FOXE3: variants seen among roughly 807,000 people sequenced by gnomAD.
FOXE3 encodes the protein forkhead box protein E3.
For synonymous variants in FOXE3, 274 were observed against 258.3 expected (o/e 1.06, Z -0.58); for missense variants, 520 against 507.8 (o/e 1.02, Z -0.23).
At position 47,416,939 on chromosome 1, in the gene FOXE3, G is replaced by C. The variant is rs1400982636; in HGVS notation, c.624G>C (p.Pro208=). 8 of 1,331,468 alleles carry C rather than the reference G, an allele frequency of 6.0e-6. No individual in the cohort carries two copies. The highest frequency in any genetic ancestry group is 2.9e-4 in the Middle Eastern group (1 of 3,484). 82.5% of individuals were successfully genotyped at this position (1,331,468 alleles called of 1,614,324 possible). ...TGGTGCCGCCGCCTTCTGCCGGACC[G>C]GGCCCCTCGCCGCCCGCGCGTCTGT... ...ALLVPPPSAG[P]GPSPPARLFS... is the part of the protein sequence containing the mutation. Residue 208 remains proline (P), a synonymous_variant, in exon 1 of 1, where the codon CCG becomes CCC. Coordinates refer to ENST00000335071, the MANE Select transcript of FOXE3 (RefSeq NM_012186.3). The surrounding 1 kb of genome is among the most constrained non-coding windows in gnomAD (Gnocchi z 4.2).
rs751816743 is a variant in FOXE3 at position 47,416,506 on chromosome 1, G to T, written c.191G>T (p.Arg64Leu). Residue 64 changes from arginine to leucine, a missense_variant, in exon 1 of 1, where the codon CGG becomes CTG. Coordinates refer to ENST00000335071, the MANE Select transcript of FOXE3 (RefSeq NM_012186.3). The surrounding 1 kb of genome is among the most constrained non-coding windows in gnomAD (Gnocchi z 4.2). ...GCGCCCGGCCCGGGGCGGCGGCGGC[G>T]GCGGCCCCTGCAGCGCGGGAAGCCG... ...TPAPGPGRRR[R>L]RPLQRGKPPY... The T allele has an allele frequency of 3.2e-5, 42 of 1,304,144 alleles. No individual in the cohort carries two copies. The highest frequency in any genetic ancestry group is 3.8e-5 in the Non-Finnish European group (39 of 1,018,106). The allele number at this position is 1,304,144 out of a possible 1,614,324, so 80.8% of individuals were successfully genotyped here.
rs1003686562 is a variant in FOXE3, at chr1:47,416,942, C to A, written c.627C>A (p.Gly209=). ...TGCCGCCGCCTTCTGCCGGACCGGG[C>A]CCCTCGCCGCCCGCGCGTCTGTTCA... is the stretch of plus-strand genomic sequence containing the variant. ...LLVPPPSAGP[G]PSPPARLFSV... The change falls in exon 1 of 1, where the codon GGC becomes GGA. Residue 209 remains glycine, a synonymous_variant. Coordinates refer to ENST00000335071, the MANE Select transcript of FOXE3 (RefSeq NM_012186.3). This position sits in a 1 kb window ranked among gnomAD's most constrained non-coding sequence, Gnocchi z 4.2. The A allele has an allele frequency of 1.5e-6, 2 of 1,330,642 alleles. No individual in the cohort carries two copies. The highest frequency in any genetic ancestry group is 1.6e-5 in the South Asian group (1 of 63,720). 82.4% of individuals were successfully genotyped at this position (1,330,642 alleles called of 1,614,324 possible). A position where few individuals can be genotyped will look rare whatever the true frequency, so the allele number is the denominator to read the frequency against.
chr1:47,417,972 T>C lies in FOXE3; in HGVS notation c.*697T>C, dbSNP rs1365211549. On this transcript the variant is annotated 3_prime_UTR_variant, in exon 1 of 1. Transcript: ENST00000335071. The surrounding 1 kb of genome is among the most constrained non-coding windows in gnomAD (Gnocchi z 4.3). ...GGGCCTTTAGGTCTGCCCCATCCCCTGGAAAACTTAGGACTTATTGGGTTA... is the reference window on the plus strand; with the variant it reads ...GGGCCTTTAGGTCTGCCCCATCCCCCGGAAAACTTAGGACTTATTGGGTTA... The C allele has an allele frequency of 6.0e-6, 1 of 167,086 alleles. No homozygotes were observed. The highest frequency in any genetic ancestry group is 2.4e-5 in the African/African-American group (1 of 41,448). The allele number at this position is 167,086 out of a possible 1,614,324, so 10.4% of individuals were successfully genotyped here.
Position 47,417,241 on chromosome 1 carries a change from CGGGCTTCGCGTCG to C in FOXE3, c.932_944del (p.Phe311TrpfsTer90), listed in dbSNP as rs2124045053. 1 of 1,355,614 alleles carries C rather than the reference CGGGCTTCGCGTCG, an allele frequency of 7.4e-7. No individual in the cohort carries two copies. The highest frequency in any genetic ancestry group is 9.4e-7 in the Non-Finnish European group (1 of 1,059,784). The allele number at this position is 1,355,614 out of a possible 1,614,324, so 84.0% of individuals were successfully genotyped here. A position where few individuals can be genotyped will look rare whatever the true frequency, so the allele number is the denominator to read the frequency against. On this transcript the variant is annotated frameshift_variant, in exon 1 of 1. Coordinates refer to ENST00000335071, the MANE Select transcript of FOXE3 (RefSeq NM_012186.3). LOFTEE classifies it high-confidence loss of function. This position sits in a 1 kb window ranked among gnomAD's most constrained non-coding sequence, Gnocchi z 4.3. ...CCTGGGGAGGCCTACCTGAGGCAGC[CGGGCTTCGCGTCG>C]GGGCTGGAGCGCTACCTGTGAGCCT... is the stretch of plus-strand genomic sequence containing the variant.
rs2124041964 is a variant in FOXE3, at chr1:47,416,508, C to G, written c.193C>G (p.Arg65Gly). ...GCCCGGCCCGGGGCGGCGGCGGCGG[C>G]GGCCCCTGCAGCGCGGGAAGCCGCC... The part of the protein sequence containing the change: ...PAPGPGRRRR[R>G]PLQRGKPPYS... Residue 65 changes from arginine to glycine, a missense_variant, in exon 1 of 1, where the codon CGG (arginine) becomes GGG (glycine). Arg to Gly is a moderately radical substitution (Grantham distance 125). Transcript: ENST00000335071. This position sits in a 1 kb window ranked among gnomAD's most constrained non-coding sequence, Gnocchi z 4.2. The G allele has an allele frequency of 7.9e-7, 1 of 1,272,172 alleles. No homozygotes were observed. The highest frequency in any genetic ancestry group is 1.0e-6 in the Non-Finnish European group (1 of 997,258). 78.8% of individuals were successfully genotyped at this position (1,272,172 alleles called of 1,614,324 possible). A position where few individuals can be genotyped will look rare whatever the true frequency, so the allele number is the denominator to read the frequency against.
At position 47,416,870 on chromosome 1, in the gene FOXE3, C is replaced by G. The variant is rs758322369; in HGVS notation, c.555C>G (p.Pro185=). The G allele has an allele frequency of 1.4e-6, 2 of 1,396,058 alleles. No individual in the cohort carries two copies. The highest frequency in any genetic ancestry group is 3.1e-5 in the South Asian group (2 of 64,172). 86.5% of individuals were successfully genotyped at this position (1,396,058 alleles called of 1,614,324 possible). The change falls in exon 1 of 1, where the codon CCC becomes CCG. Residue 185 remains proline, a synonymous_variant. Coordinates refer to ENST00000335071, the MANE Select transcript of FOXE3 (RefSeq NM_012186.3). This position sits in a 1 kb window ranked among gnomAD's most constrained non-coding sequence, Gnocchi z 4.2. Reference sequence around the variant, plus strand: ...CCGCGGCGCCAGGGCCGCCGCTCCCCTTCCCCTACGCGCCCTACGCGCCCG... The same window carrying G: ...CCGCGGCGCCAGGGCCGCCGCTCCCGTTCCCCTACGCGCCCTACGCGCCCG... ...HAAAAPGPPL[P]FPYAPYAPAP... is the part of the protein sequence containing the mutation.
In FOXE3 at chr1:47,417,236, G is replaced by A. The variant is rs1211119716; in HGVS notation, c.921G>A (p.Arg307=). ...GPLSPGEAYL[R]QPGFASGLER... is the part of the protein sequence containing the mutation. ...TCAGCCCTGGGGAGGCCTACCTGAG[G>A]CAGCCGGGCTTCGCGTCGGGGCTGG... Residue 307 remains arginine (R), a synonymous_variant, in exon 1 of 1, where the codon AGG becomes AGA. Transcript: ENST00000335071. The surrounding 1 kb of genome is among the most constrained non-coding windows in gnomAD (Gnocchi z 4.3). 7.4e-7 allele frequency: 1 copy of A among 1,356,198 alleles called. No individual in the cohort carries two copies. The highest frequency in any genetic ancestry group is 9.4e-7 in the Non-Finnish European group (1 of 1,060,542). 84.0% of individuals were successfully genotyped at this position (1,356,198 alleles called of 1,614,324 possible). A position where few individuals can be genotyped will look rare whatever the true frequency, so the allele number is the denominator to read the frequency against.
rs958572726 is a variant in FOXE3, at chr1:47,417,231, C to T, written c.916C>T (p.Leu306=). The T allele has an allele frequency of 2.2e-6, 3 of 1,355,690 alleles. No homozygotes were observed. The highest frequency in any genetic ancestry group is 2.8e-6 in the Non-Finnish European group (3 of 1,060,740). 84.0% of individuals were successfully genotyped at this position (1,355,690 alleles called of 1,614,324 possible). A position where few individuals can be genotyped will look rare whatever the true frequency, so the allele number is the denominator to read the frequency against. Residue 306 remains leucine, a synonymous_variant, in exon 1 of 1, where the codon CTG becomes TTG. Coordinates refer to ENST00000335071, the MANE Select transcript of FOXE3 (RefSeq NM_012186.3). The surrounding 1 kb of genome is among the most constrained non-coding windows in gnomAD (Gnocchi z 4.3). ...LGPLSPGEAY[L]RQPGFASGLE... is the part of the protein sequence containing the mutation. ...CCCGCTCAGCCCTGGGGAGGCCTAC[C>T]TGAGGCAGCCGGGCTTCGCGTCGGG...
chr1:47,417,251 G>C lies in FOXE3; in HGVS notation c.936G>C (p.Ala312=). ...GEAYLRQPGF[A]SGLERYL The stretch of plus-strand genomic sequence containing the variant: ...CCTACCTGAGGCAGCCGGGCTTCGC[G>C]TCGGGGCTGGAGCGCTACCTGTGAG... Residue 312 remains alanine, a synonymous_variant, in exon 1 of 1, where the codon GCG becomes GCC. Coordinates refer to ENST00000335071, the MANE Select transcript of FOXE3 (RefSeq NM_012186.3). The surrounding 1 kb of genome is among the most constrained non-coding windows in gnomAD (Gnocchi z 4.3). The C allele has an allele frequency of 7.4e-7, 1 of 1,356,368 alleles. No individual in the cohort carries two copies. The highest frequency in any genetic ancestry group is 9.4e-7 in the Non-Finnish European group (1 of 1,059,246). 84.0% of individuals were successfully genotyped at this position (1,356,368 alleles called of 1,614,324 possible).
Position 47,416,757 on chromosome 1 carries a change from G to GACCCCGC in FOXE3, c.443_449dup (p.Ala151ProfsTer136), listed in dbSNP as rs1646885789. On this transcript the variant is annotated frameshift_variant, in exon 1 of 1. Coordinates refer to ENST00000335071, the MANE Select transcript of FOXE3 (RefSeq NM_012186.3). LOFTEE classifies it low-confidence loss of function (END_TRUNC). The surrounding 1 kb of genome is among the most constrained non-coding windows in gnomAD (Gnocchi z 4.2). ...GGGCAAGGGCAACTACTGGACGCTGGACCCCGCGGCCGCAGACATGTTCGA... is the reference window on the plus strand; with the variant it reads ...GGGCAAGGGCAACTACTGGACGCTGGACCCCGCACCCCGCGGCCGCAGACATGTTCGA... 2 of 1,605,486 alleles carry GACCCCGC rather than the reference G, an allele frequency of 1.2e-6. No individual in the cohort carries two copies. Among genetic ancestry groups the GACCCCGC allele is most frequent in the South Asian group, 2.2e-5 (2 of 90,226 alleles).
rs1387529956 is a variant in FOXE3 at position 47,417,729 on chromosome 1, G to A, written c.*454G>A. 1 of 168,454 alleles carries A rather than the reference G, an allele frequency of 5.9e-6. No individual in the cohort carries two copies. The highest frequency in any genetic ancestry group is 2.4e-5 in the African/African-American group (1 of 41,346). 10.4% of individuals were successfully genotyped at this position (168,454 alleles called of 1,614,324 possible). A position where few individuals can be genotyped will look rare whatever the true frequency, so the allele number is the denominator to read the frequency against. ...CTCTCATGTTTTTCCGACACTCCTG[G>A]GTCAGACTCCTGGGTTCATGACTTA... is the stretch of plus-strand genomic sequence containing the variant. On this transcript the variant is annotated 3_prime_UTR_variant, in exon 1 of 1. Transcript: ENST00000335071. The surrounding 1 kb of genome is among the most constrained non-coding windows in gnomAD (Gnocchi z 4.3).
chr1:47,417,069 C>T lies in FOXE3; in HGVS notation c.754C>T (p.Pro252Ser), dbSNP rs1184092568. The T allele has an allele frequency of 1.5e-6, 2 of 1,366,730 alleles. No individual in the cohort carries two copies. The highest frequency in any genetic ancestry group is 1.6e-5 in the South Asian group (1 of 62,206). 84.7% of individuals were successfully genotyped at this position (1,366,730 alleles called of 1,614,324 possible). ...APDAAAAAFP[P>S]CAAAASPPLY... is the part of the protein sequence containing the mutation. Reference sequence around the variant, plus strand: ...CGACGCCGCAGCCGCAGCCTTCCCGCCCTGCGCTGCCGCCGCCTCCCCGCC... The same window carrying T: ...CGACGCCGCAGCCGCAGCCTTCCCGTCCTGCGCTGCCGCCGCCTCCCCGCC... The change falls in exon 1 of 1, where the codon CCC becomes TCC. Residue 252 changes from proline (P) to serine (S), a missense_variant. Transcript: ENST00000335071. This position sits in a 1 kb window ranked among gnomAD's most constrained non-coding sequence, Gnocchi z 4.3.
Position 47,416,938 on chromosome 1 carries a change from C to T in FOXE3, c.623C>T (p.Pro208Leu), listed in dbSNP as rs1646887677. Residue 208 changes from proline to leucine, a missense_variant, in exon 1 of 1, where the codon CCG (proline) becomes CTG (leucine). Physicochemically the swap from Pro to Leu is moderately conservative, Grantham distance 98. Coordinates refer to ENST00000335071, the MANE Select transcript of FOXE3 (RefSeq NM_012186.3). The surrounding 1 kb of genome is among the most constrained non-coding windows in gnomAD (Gnocchi z 4.2). ...ALLVPPPSAG[P>L]GPSPPARLFS... Reference sequence around the variant, plus strand: ...CTGGTGCCGCCGCCTTCTGCCGGACCGGGCCCCTCGCCGCCCGCGCGTCTG... The same window carrying T: ...CTGGTGCCGCCGCCTTCTGCCGGACTGGGCCCCTCGCCGCCCGCGCGTCTG... 7.5e-7 allele frequency: 1 copy of T among 1,330,248 alleles called. No homozygotes were observed. Among genetic ancestry groups the T allele is most frequent in the Non-Finnish European group, 9.7e-7 (1 of 1,032,538 alleles). The allele number at this position is 1,330,248 out of a possible 1,614,324, so 82.4% of individuals were successfully genotyped here.
In FOXE3 at chr1:47,416,366, T is replaced by C. The variant is rs548368038; in HGVS notation, c.51T>C (p.Pro17=). ...CGCCCGCCGCGTTCTCTGGCTTCCC[T>C]GCCCTGCCAGCGGTCGCGCCGTCGG... ...MDPPAAFSGF[P]ALPAVAPSGP... Residue 17 remains proline, a synonymous_variant, in exon 1 of 1, where the codon CCT becomes CCC. Coordinates refer to ENST00000335071, the MANE Select transcript of FOXE3 (RefSeq NM_012186.3). The surrounding 1 kb of genome is among the most constrained non-coding windows in gnomAD (Gnocchi z 4.2). The C allele has an allele frequency of 5.0e-4, 684 of 1,361,562 alleles. 1 individual carries two copies. The African/African-American group carries it at 9.3e-3, about 19-fold the overall frequency. The allele number at this position is 1,361,562 out of a possible 1,614,324, so 84.3% of individuals were successfully genotyped here.
rs780276474 is a variant in FOXE3 at position 47,416,944 on chromosome 1, C to G, written c.629C>G (p.Pro210Arg). ...LVPPPSAGPG[P>R]SPPARLFSVD... ...CCGCCGCCTTCTGCCGGACCGGGCC[C>G]CTCGCCGCCCGCGCGTCTGTTCAGC... The change falls in exon 1 of 1, where the codon CCC becomes CGC. Residue 210 changes from proline to arginine, a missense_variant. Pro to Arg is a moderately radical substitution (Grantham distance 103). Coordinates refer to ENST00000335071, the MANE Select transcript of FOXE3 (RefSeq NM_012186.3). The surrounding 1 kb of genome is among the most constrained non-coding windows in gnomAD (Gnocchi z 4.2). The G allele has an allele frequency of 1.1e-5, 14 of 1,332,616 alleles. No individual in the cohort carries two copies. Among genetic ancestry groups the G allele is most frequent in the Non-Finnish European group, 1.2e-5 (12 of 1,033,904 alleles). The allele number at this position is 1,332,616 out of a possible 1,614,324, so 82.5% of individuals were successfully genotyped here. A position where few individuals can be genotyped will look rare whatever the true frequency, so the allele number is the denominator to read the frequency against.
rs1388940436 is a variant in FOXE3, at chr1:47,417,132, G to A, written c.817G>A (p.Ala273Thr). 7.1e-7 allele frequency: 1 copy of A among 1,405,452 alleles called. No homozygotes were observed. The highest frequency in any genetic ancestry group is 9.3e-7 in the Non-Finnish European group (1 of 1,080,926). The allele number at this position is 1,405,452 out of a possible 1,614,324, so 87.1% of individuals were successfully genotyped here. ...SQVPDRLVLP[A>T]TRPGPGPLPA... ...GGTCCCCGACCGCCTGGTACTGCCC[G>A]CGACGCGCCCCGGCCCCGGCCCGCT... The change falls in exon 1 of 1, where the codon GCG (alanine) becomes ACG (threonine). Residue 273 changes from alanine (A) to threonine (T), a missense_variant. Ala to Thr is a moderately conservative substitution (Grantham distance 58). Transcript: ENST00000335071. This position sits in a 1 kb window ranked among gnomAD's most constrained non-coding sequence, Gnocchi z 4.3.
chr1:47,417,162 G>C lies in FOXE3; in HGVS notation c.847G>C (p.Ala283Pro). The change falls in exon 1 of 1, where the codon GCT (alanine) becomes CCT (proline). Residue 283 changes from alanine (A) to proline (P), a missense_variant. Physicochemically the swap from Ala to Pro is conservative, Grantham distance 27. Coordinates refer to ENST00000335071, the MANE Select transcript of FOXE3 (RefSeq NM_012186.3). This position sits in a 1 kb window ranked among gnomAD's most constrained non-coding sequence, Gnocchi z 4.3. ...ATRPGPGPLP[A>P]EPLLALAGPA... Reference sequence around the variant, plus strand: ...GCGCCCCGGCCCCGGCCCGCTGCCCGCTGAGCCCCTCCTGGCCTTGGCCGG... The same window carrying C: ...GCGCCCCGGCCCCGGCCCGCTGCCCCCTGAGCCCCTCCTGGCCTTGGCCGG... 7.1e-7 allele frequency: 1 copy of C among 1,403,378 alleles called. No homozygotes were observed. Among genetic ancestry groups the C allele is most frequent in the Non-Finnish European group, 9.2e-7 (1 of 1,083,916 alleles). 86.9% of individuals were successfully genotyped at this position (1,403,378 alleles called of 1,614,324 possible).
At position 47,416,891 on chromosome 1, in the gene FOXE3, G is replaced by A. The variant is rs2124043529; in HGVS notation, c.576G>A (p.Ala192=). 7.6e-7 allele frequency: 1 copy of A among 1,314,240 alleles called. No homozygotes were observed. Among genetic ancestry groups the A allele is most frequent in the Non-Finnish European group, 9.7e-7 (1 of 1,027,082 alleles). The allele number at this position is 1,314,240 out of a possible 1,614,324, so 81.4% of individuals were successfully genotyped here. A position where few individuals can be genotyped will look rare whatever the true frequency, so the allele number is the denominator to read the frequency against. ...TCCCCTTCCCCTACGCGCCCTACGC[G>A]CCCGCGCCCGGCCCCGCGCTGCTGG... ...PPLPFPYAPY[A]PAPGPALLVP... The change falls in exon 1 of 1, where the codon GCG becomes GCA. Residue 192 remains alanine, a synonymous_variant. Transcript: ENST00000335071. The surrounding 1 kb of genome is among the most constrained non-coding windows in gnomAD (Gnocchi z 4.2).
chr1:47,416,745 T>A lies in FOXE3; in HGVS notation c.430T>A (p.Tyr144Asn). The change falls in exon 1 of 1, where the codon TAC becomes AAC. Residue 144 changes from tyrosine to asparagine, a missense_variant. Tyr to Asn is a moderately radical substitution (Grantham distance 143, BLOSUM62 -2). Transcript: ENST00000335071. The surrounding 1 kb of genome is among the most constrained non-coding windows in gnomAD (Gnocchi z 4.2). The stretch of plus-strand genomic sequence containing the variant: ...GCCGGGCAACCCGGGCAAGGGCAAC[T>A]ACTGGACGCTGGACCCCGCGGCCGC... Reference protein sequence around the residue: ...REPGNPGKGNYWTLDPAAADM... With the variant: ...REPGNPGKGNNWTLDPAAADM... The A allele has an allele frequency of 6.2e-7, 1 of 1,608,332 alleles. No individual in the cohort carries two copies. The highest frequency in any genetic ancestry group is 8.5e-7 in the Non-Finnish European group (1 of 1,177,366).
Sources: allele counts gnomAD v4.1 joint callset, GRCh38; gene constraint gnomAD v4.1.1; non-coding constraint Gnocchi (gnomAD v3.1); transcripts MANE v1.5; gene names NCBI Gene and HGNC (gene_info 2026-07-23, HGNC 2026-07-21).